The following CSMD3 variants were observed in gnomAD, a reference collection of about 807,000 sequenced individuals.
The protein encoded by CSMD3 is CUB and sushi domain-containing protein 3.
In CSMD3, 177 loss-of-function variants were observed where a neutral mutation model predicts 435.2. The observed-to-expected ratio is 0.41, with a 90% CI of 0.36 to 0.46. The LOEUF is 0.46. CSMD3 is among the 20% of genes least tolerant of loss of function. The pLI, the probability that CSMD3 is intolerant of heterozygous loss-of-function variation, is 0.34. For missense variants in CSMD3, 4,265 were observed against 4,504.6 expected, an observed-to-expected ratio of 0.95 and a Z score of 1.52; for synonymous variants, 1,656 against 1,520.5, an observed-to-expected ratio of 1.09 and a Z score of -2.07.
chr8:112,309,340 G>A (rs1821738778), intron 50 of CSMD3, among the ~76,000 whole-genome samples: 1 of 151,662 alleles, frequency 6.6e-6, no homozygotes, highest in African/African-American at 2.4e-5. Flanking sequence ...ATGTGTATGT[G>A]TGTATATAAA....
At chr8:112,521,326 TAA>T (rs1282074565) in intron 27 of CSMD3, among the ~76,000 whole-genome samples, 1 of 151,970 alleles carries the variant, frequency 6.6e-6, no homozygotes, top group African/African-American at 2.4e-5. Context: ...CCACTGTTTT[TAA>T]ATCCAGGCTG....
At chr8:112,370,023 G>GGAAGAAGAAGAAGAA (rs71309767) in intron 38 of CSMD3, among the ~76,000 whole-genome samples, 703 of 66,456 alleles carry the variant, frequency 0.011, 14 homozygotes, top group African/African-American at 0.019. Context: ...AAGAAGAAGA[G>GGAAGAAGAAGAAGAA]GAAGAAGAAG....
chr8:113,037,448 G>A (rs1361697695), intron 5 of CSMD3, among the ~76,000 whole-genome samples: 1 of 151,980 alleles, frequency 6.6e-6, no homozygotes, highest in East Asian at 1.9e-4. Flanking sequence ...TAGGAGAGAT[G>A]TTATTTTCTA....
intron 3 of CSMD3, among the ~76,000 whole-genome samples, chr8:113,188,642 A>T (rs968272352): frequency 1.3e-5 from 2 of 151,992 alleles, no homozygotes; most frequent in African/African-American, 4.8e-5. Flanking sequence ...GGAGAAAATT[A>T]AAAACAAGTA....
chr8:112,927,483 C>G (rs148757268), intron 9 of CSMD3, among the ~76,000 whole-genome samples: 125 of 152,140 alleles, frequency 8.2e-4, no homozygotes, highest in Non-Finnish European at 5.0e-4. Flanking sequence ...CCTTCTTTCT[C>G]TTGAATATTC....
At chr8:113,018,358 T>C (rs1313538812) in intron 6 of CSMD3, among the ~76,000 whole-genome samples, 1 of 151,834 alleles carries the variant, frequency 6.6e-6, no homozygotes, top group East Asian at 1.9e-4. Flanking sequence ...GGGGAAAGCA[T>C]TAAAAAAAAC....
At chr8:112,295,757 A>T (rs2130712213) in intron 54 of CSMD3, 76 bp downstream of exon 54, 1 of 1,209,110 alleles carries the variant, frequency 8.3e-7, no homozygotes, top group Non-Finnish European at 1.2e-6. Flanking sequence ...TAATATATAT[A>T]TTCATCTTGC....
intron 63 of CSMD3, among the ~76,000 whole-genome samples, chr8:112,248,369 G>A (rs16883297): frequency 0.016 from 2,380 of 152,168 alleles, 74 homozygotes; most frequent in African/African-American, 0.055. Flanking sequence ...CTAATTATGA[G>A]GCTGGCACTG....
intron 45 of CSMD3, among the ~76,000 whole-genome samples, chr8:112,326,512 G>C (rs1276542286): frequency 1.3e-5 from 2 of 152,136 alleles, no homozygotes; most frequent in African/African-American, 2.4e-5. Flanking sequence ...AAAGTGCTTA[G>C]AATAAGGCCT....
chr8:113,210,045 T>TGTGTGTGTGG (rs1491306465), intron 3 of CSMD3, among the ~76,000 whole-genome samples: 2 of 103,364 alleles, frequency 1.9e-5, no homozygotes, highest in Admixed American at 9.8e-5. Flanking sequence ...TGTGTGTGTG[T>TGTGTGTGTGG]GATACACAGT....
chr8:113,143,389 AG>A (rs2091596500), intron 4 of CSMD3, among the ~76,000 whole-genome samples: 1 of 151,474 alleles, frequency 6.6e-6, no homozygotes, highest in African/African-American at 2.4e-5. Context: ...AAAATGGTAC[AG>A]GCACTCTAGA....
At chr8:112,528,738 G>A (rs1016210178) in intron 27 of CSMD3, among the ~76,000 whole-genome samples, 2 of 152,122 alleles carry the variant, frequency 1.3e-5, no homozygotes, top group Admixed American at 1.3e-4. Context: ...CTAGCAGAGA[G>A]ATCCAGAACA....
intron 34 of CSMD3, among the ~76,000 whole-genome samples, chr8:112,407,392 A>G (rs1831951746): frequency 6.6e-6 from 1 of 152,032 alleles, no homozygotes; most frequent in Admixed American, 6.6e-5. Flanking sequence ...GTTTAGTAAA[A>G]TAGAATGATA....
At chr8:113,178,142 C>T (rs2092374318) in intron 3 of CSMD3, among the ~76,000 whole-genome samples, 1 of 151,912 alleles carries the variant, frequency 6.6e-6, no homozygotes. Context: ...GAAAGTCAAA[C>T]TTCATTGTTG....
chr8:112,277,703 A>G (rs1341449136), intron 59 of CSMD3, among the ~76,000 whole-genome samples: 1 of 152,158 alleles, frequency 6.6e-6, no homozygotes, highest in Non-Finnish European at 1.5e-5. Flanking sequence ...AAGAGATTTA[A>G]TGGACTCACA....
At chr8:112,424,661 T>C (rs1812867115) in intron 32 of CSMD3, among the ~76,000 whole-genome samples, 1 of 152,060 alleles carries the variant, frequency 6.6e-6, no homozygotes, top group Admixed American at 6.6e-5. Flanking sequence ...CATGTTCCCA[T>C]TCTTCTATTT....
intron 45 of CSMD3, among the ~76,000 whole-genome samples, chr8:112,325,152 T>C (rs981487545): frequency 3.9e-5 from 6 of 152,070 alleles, no homozygotes; most frequent in African/African-American, 1.4e-4. Flanking sequence ...TTAAACCACA[T>C]CTCTTCATTT....
intron 1 of CSMD3, among the ~76,000 whole-genome samples, chr8:113,341,091 C>T (rs1047802485): frequency 6.6e-6 from 1 of 151,782 alleles, no homozygotes; most frequent in Non-Finnish European, 1.5e-5. Context: ...TTCAAGGGTA[C>T]AATTTGATGT....
intron 5 of CSMD3, among the ~76,000 whole-genome samples, chr8:113,092,017 TA>T (rs1390562746): frequency 6.6e-6 from 1 of 152,082 alleles, no homozygotes; most frequent in African/African-American, 2.4e-5. Context: ...TTTTTGGCAA[TA>T]AAGATCATAC....
Sources: gnomAD v4.1 joint callset for allele counts (sites outside exome capture counted in the v4.1 genomes callset) on GRCh38, gnomAD v4.1.1 for gene constraint, MANE v1.5 for transcripts, NCBI Gene and HGNC (gene_info 2026-07-23, HGNC 2026-07-21) for gene names.